The following GLIS1 variants were observed in gnomAD, a reference collection of about 807,000 sequenced individuals.
The protein encoded by GLIS1 is GLIS family zinc finger 1, also known as zinc finger protein GLIS1.
A neutral mutation model predicts 63.8 loss-of-function variants in GLIS1; 24 were observed. The observed-to-expected ratio is 0.38, with a 90% confidence interval of 0.27 to 0.53. The LOEUF (loss-of-function observed/expected upper bound fraction) is 0.53, where lower values mean the gene tolerates loss of function less well. Among genes scored for constraint, GLIS1 ranks in the 20% least tolerant of loss-of-function variants. The probability of loss-of-function intolerance (pLI) is 0.85; values close to 1 mark genes in which losing one functional copy is unlikely to be tolerated. For missense variants in GLIS1, 1,036 were observed against 1,074.1 expected (o/e 0.96, Z 0.50); for synonymous variants, 450 against 482.5 (o/e 0.93, Z 0.88).
chr1:53,509,084 G>A, intron 10 of GLIS1, 36 bp downstream of exon 10: 1 of 1,519,420 alleles, frequency 6.6e-7, no homozygotes, highest in Non-Finnish European at 8.9e-7. Flanking sequence ...GCCTCGGCAG[G>A]TGCCCAGGAC....
rs140267262 is a variant in GLIS1, at chr1:53,687,286, C to T, written c.259+50520G>A. 8.5e-5 allele frequency among the ~76,000 whole-genome samples: 13 copies of T among 152,316 alleles called. 1 individual carries two copies. In the South Asian group the frequency reaches 1.5e-3, roughly 17 times the overall value. On this transcript the variant is annotated intron_variant, in intron 2 of 10. Coordinates refer to ENST00000628545, the MANE Select transcript of GLIS1 (RefSeq NM_001367484.1). ...AGGCCCTTCATACCCTGCAAGGCAC[C>T]ACCCGCCCACCTGGGTCTCTCAGAC...
At chr1:53,663,483 G>A (rs540446736) in intron 2 of GLIS1, among the ~76,000 whole-genome samples, 21 of 152,292 alleles carry the variant, frequency 1.4e-4, no homozygotes, top group Non-Finnish European at 2.4e-4. Context: ...CAACTGTGCC[G>A]CTGGACAGAT....
intron 7 of GLIS1, among the ~76,000 whole-genome samples, chr1:53,515,581 CG>C (rs1445210364): frequency 2.6e-5 from 4 of 151,900 alleles, no homozygotes; most frequent in Admixed American, 6.6e-5. Flanking sequence ...CTTTTACCCC[CG>C]AAAGTCTTAC....
At chr1:53,668,948 G>A (rs1357957827) in intron 2 of GLIS1, among the ~76,000 whole-genome samples, 3 of 152,186 alleles carry the variant, frequency 2.0e-5, no homozygotes, top group Non-Finnish European at 2.9e-5. Context: ...TCACTTTTAA[G>A]AGGAACACTA....
At chr1:53,670,255 G>A (rs560857272) in intron 2 of GLIS1, among the ~76,000 whole-genome samples, 1 of 152,306 alleles carries the variant, frequency 6.6e-6, no homozygotes, top group African/African-American at 2.4e-5. Flanking sequence ...GAAGCACCTG[G>A]CCAAACAGAG....
chr1:53,564,775 GT>G (rs908029623), intron 4 of GLIS1, among the ~76,000 whole-genome samples: 1 of 151,970 alleles, frequency 6.6e-6, no homozygotes, highest in African/African-American at 2.4e-5. Flanking sequence ...AATAATAAAA[GT>G]TTTCATTTTA....
intron 2 of GLIS1, among the ~76,000 whole-genome samples, chr1:53,707,086 G>A (rs867419407): frequency 3.5e-4 from 53 of 152,266 alleles, no homozygotes; most frequent in Middle Eastern, 3.4e-3. Flanking sequence ...GGGGATGCAG[G>A]AAAGGATAAT....
At chr1:53,697,903 G>A (rs1459064378) in intron 2 of GLIS1, among the ~76,000 whole-genome samples, 4 of 152,128 alleles carry the variant, frequency 2.6e-5, no homozygotes, top group East Asian at 3.8e-4. Context: ...GGTTCTAACC[G>A]CTACAACGAA....
chr1:53,640,411 AC>A (rs1448833093), intron 2 of GLIS1, among the ~76,000 whole-genome samples: 1 of 152,206 alleles, frequency 6.6e-6, no homozygotes, highest in African/African-American at 2.4e-5. Flanking sequence ...AAGTGACTCT[AC>A]ACCGTTGTTG....
At chr1:53,608,027 T>G (rs533166168) in intron 2 of GLIS1, among the ~76,000 whole-genome samples, 47 of 149,972 alleles carry the variant, frequency 3.1e-4, no homozygotes, top group Non-Finnish European at 6.1e-4. Flanking sequence ...AGTGGTGCGA[T>G]CATAGCACAC....
intron 2 of GLIS1, among the ~76,000 whole-genome samples, chr1:53,680,363 C>T (rs1203232837): frequency 6.6e-6 from 1 of 152,200 alleles, no homozygotes; most frequent in Non-Finnish European, 1.5e-5. Context: ...GAAGTAGAGA[C>T]TATGATCTAT....
rs561594081 is a variant in GLIS1, at chr1:53,666,762, T to A, written c.260-66484A>T. Among the ~76,000 whole-genome samples, 730 of 151,914 alleles carry A rather than the reference T, an allele frequency of 4.8e-3. 4 individuals are homozygous for A. Among genetic ancestry groups the A allele is most frequent in the African/African-American group, 0.015 (615 of 41,210 alleles). On this transcript the variant is annotated intron_variant, in intron 2 of 10. Coordinates refer to ENST00000628545, the MANE Select transcript of GLIS1 (RefSeq NM_001367484.1). ...CCTCTACTCACCAAATCCCTTCCCA[T>A]CGGCAGGTCTGTGGGCCAGGCTGGG...
intron 2 of GLIS1, among the ~76,000 whole-genome samples, chr1:53,626,513 A>G (rs1409025865): frequency 6.6e-6 from 1 of 152,202 alleles, no homozygotes; most frequent in Non-Finnish European, 1.5e-5. Context: ...AAGTCTCACA[A>G]TCATACCATC....
At position 53,666,827 on chromosome 1, in the gene GLIS1, T is replaced by C. The variant is rs533224200; in HGVS notation, c.260-66549A>G. Among the ~76,000 whole-genome samples the C allele has an allele frequency of 1.4e-4, 21 of 152,300 alleles. No homozygotes were observed. The South Asian group carries it at 4.3e-3, about 32-fold the overall frequency. ...GGGGTGATGAAGTCAAACTCTGCTG[T>C]GCTCCTAATGCCTCCTTTCTTAGTG... On this transcript the variant is annotated intron_variant, in intron 2 of 10. Transcript: ENST00000628545.
chr1:53,622,929 C>A (rs1315551742), intron 2 of GLIS1, among the ~76,000 whole-genome samples: 1 of 152,168 alleles, frequency 6.6e-6, no homozygotes, highest in Non-Finnish European at 1.5e-5. Context: ...TTGCCATTTT[C>A]TGTTTTACCA....
intron 4 of GLIS1, among the ~76,000 whole-genome samples, chr1:53,538,577 G>A (rs1225627295): frequency 1.3e-5 from 2 of 152,162 alleles, no homozygotes; most frequent in Non-Finnish European, 2.9e-5. Flanking sequence ...GCCATGAGAG[G>A]CAAGACCATC....
chr1:53,529,002 G>A (rs182713360), intron 5 of GLIS1, among the ~76,000 whole-genome samples: 6 of 152,312 alleles, frequency 3.9e-5, no homozygotes, highest in East Asian at 1.9e-4. Context: ...CCAGCTGTGC[G>A]ATGGTGAGCA....
chr1:53,679,804 G>A lies in GLIS1; in HGVS notation c.259+58002C>T, dbSNP rs564463447. ...AAGCCCCTGTAGCATGCTGACACAC[G>A]GTGGACAATGCTGGCCCAACTTTTT... On this transcript the variant is annotated intron_variant, in intron 2 of 10. Coordinates refer to ENST00000628545, the MANE Select transcript of GLIS1 (RefSeq NM_001367484.1). 4.6e-5 allele frequency among the ~76,000 whole-genome samples: 7 copies of A among 152,350 alleles called. No individual in the cohort carries two copies. The South Asian group carries it at 8.3e-4, about 18-fold the overall frequency.
At chr1:53,546,967 C>T (rs1292022042) in intron 4 of GLIS1, among the ~76,000 whole-genome samples, 1 of 152,164 alleles carries the variant, frequency 6.6e-6, no homozygotes, top group African/African-American at 2.4e-5. Flanking sequence ...AAGGCTGACA[C>T]AGAATGGACC....
Sources: allele counts gnomAD v4.1 joint callset (sites outside exome capture counted in the v4.1 genomes callset), GRCh38; gene constraint gnomAD v4.1.1; transcripts MANE v1.5; gene names NCBI Gene and HGNC (gene_info 2026-07-23, HGNC 2026-07-21).